The following FHIT variants were observed in gnomAD, a reference collection of about 807,000 sequenced individuals.
FHIT encodes fragile histidine triad diadenosine triphosphatase.
Under a neutral mutation model 17.9 loss-of-function variants are expected in FHIT, and 19 were observed. The ratio of observed to expected loss-of-function variants is 1.06; its 90% CI spans 0.74 to 1.56. The LOEUF is 1.56. Among genes scored for constraint, FHIT ranks in the 40% most tolerant of loss-of-function variants. The probability of loss-of-function intolerance (pLI) is 0.00; values close to 1 mark genes in which losing one functional copy is unlikely to be tolerated. For synonymous variants in FHIT, 81 were observed against 69.7 expected (o/e 1.16, Z -0.81); for missense variants, 248 against 189.2 (o/e 1.31, Z -1.82).
intron 7 of FHIT, among the ~76,000 whole-genome samples, chr3:59,999,334 C>T (rs746629043): frequency 5.3e-5 from 8 of 152,200 alleles, no homozygotes; most frequent in South Asian, 2.1e-4. Flanking sequence ...GCACCACCAT[C>T]GTTAAAGTTA....
At chr3:60,150,351 GGT>G in intron 5 of FHIT, among the ~76,000 whole-genome samples, 1 of 152,000 alleles carries the variant, frequency 6.6e-6, no homozygotes, top group Admixed American at 6.6e-5. Context: ...TTTCTCCTTG[GGT>G]ATAAAATATA....
chr3:60,631,997 G>A (rs1323490820), intron 4 of FHIT, among the ~76,000 whole-genome samples: 1 of 152,156 alleles, frequency 6.6e-6, no homozygotes, highest in African/African-American at 2.4e-5. Flanking sequence ...ACCACGGGTA[G>A]GACTCTGAAA....
chr3:59,983,592 C>A (rs962672233), intron 7 of FHIT, among the ~76,000 whole-genome samples: 3 of 152,114 alleles, frequency 2.0e-5, no homozygotes, highest in East Asian at 3.9e-4. Flanking sequence ...TTGGTACCAT[C>A]TGCAGTTTTA....
At chr3:60,262,121 A>T (rs1271296226) in intron 5 of FHIT, among the ~76,000 whole-genome samples, 1 of 152,054 alleles carries the variant, frequency 6.6e-6, no homozygotes, top group Non-Finnish European at 1.5e-5. Context: ...TTCTCCGGTT[A>T]ATCTGTCTTT....
At chr3:60,539,086 A>C (rs1211840922) in intron 4 of FHIT, among the ~76,000 whole-genome samples, 1 of 152,162 alleles carries the variant, frequency 6.6e-6, no homozygotes, top group Non-Finnish European at 1.5e-5. Flanking sequence ...AACTCAAACA[A>C]ATTTACAAGA....
At chr3:60,034,119 T>C (rs926631998) in intron 5 of FHIT, among the ~76,000 whole-genome samples, 1 of 152,218 alleles carries the variant, frequency 6.6e-6, no homozygotes, top group Non-Finnish European at 1.5e-5. Flanking sequence ...CACAACAATT[T>C]CATAAGGTAG....
At position 60,009,163 on chromosome 3, in the gene FHIT, TTATGTGTGTGTGTGTGTG is replaced by T. The variant is rs1403216285; in HGVS notation, c.279+2190_279+2207del. Among the ~76,000 whole-genome samples the T allele has an allele frequency of 8.4e-3, 1,078 of 128,872 alleles. 15 individuals are homozygous for T. Among genetic ancestry groups the T allele is most frequent in the South Asian group, 0.018 (67 of 3,742 alleles). The allele number at this position is 128,872 out of a possible 152,430, so 84.5% of individuals were successfully genotyped here. On this transcript the variant is annotated intron_variant, in intron 7 of 9. Coordinates refer to ENST00000492590, the MANE Select transcript of FHIT (RefSeq NM_002012.4). ...GGAACCTTCATTGTTCTCTGGGATT[TTATGTGTGTGTGTGTGTG>T]TGTGTGTGTGTGTGTGTGTGTGTGT...
intron 5 of FHIT, among the ~76,000 whole-genome samples, chr3:60,190,246 G>C (rs1702342123): frequency 6.6e-6 from 1 of 151,814 alleles, no homozygotes; most frequent in Non-Finnish European, 1.5e-5. Context: ...TGTTATTTTT[G>C]TTTGCTTCAT....
chr3:60,049,554 C>T (rs1244071057), intron 5 of FHIT, among the ~76,000 whole-genome samples: 1 of 152,050 alleles, frequency 6.6e-6, no homozygotes, highest in Non-Finnish European at 1.5e-5. Context: ...ATAAAATACA[C>T]ATCAGATACT....
intron 5 of FHIT, among the ~76,000 whole-genome samples, chr3:60,160,119 T>G (rs1030810734): frequency 9.0e-6 from 1 of 110,610 alleles, no homozygotes; most frequent in Non-Finnish European, 1.8e-5. Flanking sequence ...TCCCATTCTG[T>G]GCTTATGTGT....
intron 5 of FHIT, among the ~76,000 whole-genome samples, chr3:60,296,336 C>A (rs1708207689): frequency 6.6e-6 from 1 of 152,042 alleles, no homozygotes; most frequent in Admixed American, 6.6e-5. Context: ...CGCATCTTCA[C>A]CAGCATTTAG....
At chr3:60,863,642 C>G (rs1173722647) in intron 3 of FHIT, among the ~76,000 whole-genome samples, 1 of 152,100 alleles carries the variant, frequency 6.6e-6, no homozygotes, top group Non-Finnish European at 1.5e-5. Flanking sequence ...AATATGCATA[C>G]AGTGCCTCCT....
At chr3:59,776,680 A>G (rs1338288669) in intron 8 of FHIT, among the ~76,000 whole-genome samples, 1 of 152,114 alleles carries the variant, frequency 6.6e-6, no homozygotes, top group African/African-American at 2.4e-5. Flanking sequence ...CATAAACCAG[A>G]TCAAATGATT....
At chr3:60,700,224 A>T (rs143765306) in intron 4 of FHIT, among the ~76,000 whole-genome samples, 85 of 152,088 alleles carry the variant, frequency 5.6e-4, no homozygotes, top group Non-Finnish European at 9.9e-4. Context: ...CCATTTTCCC[A>T]TGGCAACTAA....
intron 5 of FHIT, among the ~76,000 whole-genome samples, chr3:60,180,270 T>G (rs1277230628): frequency 6.6e-6 from 1 of 152,192 alleles, no homozygotes; most frequent in Non-Finnish European, 1.5e-5. Context: ...TATACCGTGC[T>G]GTTGCAACAA....
At chr3:59,928,314 A>G (rs1705774573) in intron 7 of FHIT, among the ~76,000 whole-genome samples, 1 of 152,238 alleles carries the variant, frequency 6.6e-6, no homozygotes, top group Non-Finnish European at 1.5e-5. Context: ...TAAGCAGCTG[A>G]CCTTAAGATT....
At chr3:60,666,487 C>T (rs1311494871) in intron 4 of FHIT, among the ~76,000 whole-genome samples, 1 of 152,052 alleles carries the variant, frequency 6.6e-6, no homozygotes, top group Non-Finnish European at 1.5e-5. Flanking sequence ...GGTAATGTGT[C>T]ATTTCTCTTA....
chr3:59,964,360 G>A lies in FHIT; in HGVS notation c.280-41946C>T, dbSNP rs527236641. Among the ~76,000 whole-genome samples the A allele has an allele frequency of 3.9e-5, 6 of 152,142 alleles. No homozygotes were observed. In the South Asian group the frequency reaches 1.0e-3, roughly 26 times the overall value. ...CCATTCCCCATGAACAATGGGCTGC[G>A]TGGGCCAGTATCAATCATCTATTAA... On this transcript the variant is annotated intron_variant, in intron 7 of 9. Coordinates refer to ENST00000492590, the MANE Select transcript of FHIT (RefSeq NM_002012.4).
At chr3:60,759,349 A>C (rs1488397348) in intron 4 of FHIT, among the ~76,000 whole-genome samples, 2 of 152,206 alleles carry the variant, frequency 1.3e-5, no homozygotes, top group Non-Finnish European at 2.9e-5. Flanking sequence ...TTTATATTTG[A>C]TATGCCATTT....
Sources: gnomAD v4.1 joint callset for allele counts (sites outside exome capture counted in the v4.1 genomes callset) on GRCh38, gnomAD v4.1.1 for gene constraint, MANE v1.5 for transcripts, NCBI Gene and HGNC (gene_info 2026-07-23, HGNC 2026-07-21) for gene names.